The following MMP26 variants were observed in gnomAD, a reference collection of about 807,000 sequenced individuals.
MMP26 encodes the protein matrix metallopeptidase 26, also known as matrix metalloproteinase-26.
Under a neutral mutation model 31.0 loss-of-function variants are expected in MMP26, and 33 were observed. The ratio of observed to expected loss-of-function variants is 1.06; its 90% CI spans 0.81 to 1.42. The LOEUF is 1.42. Among genes scored for constraint, MMP26 ranks in the 40% most tolerant of loss-of-function variants. The probability of loss-of-function intolerance (pLI) is 0.00; values close to 1 mark genes in which losing one functional copy is unlikely to be tolerated. For missense variants in MMP26, 347 were observed against 316.1 expected (o/e 1.10, Z -0.74); for synonymous variants, 122 against 114.9 (o/e 1.06, Z -0.40).
intron 2 of MMP26, among the ~76,000 whole-genome samples, chr11:4,807,871 C>T (rs1009350134): frequency 2.6e-5 from 4 of 152,176 alleles, no homozygotes; most frequent in Admixed American, 6.5e-5. Flanking sequence ...ATGGTGTGAT[C>T]ACAGCTCACT....
chr11:4,932,248 C>T (rs1031277446), intron 2 of MMP26, among the ~76,000 whole-genome samples: 6 of 152,042 alleles, frequency 3.9e-5, no homozygotes, highest in African/African-American at 9.7e-5. Flanking sequence ...GTTGTATAAA[C>T]GGCAGCTCCA....
At chr11:4,789,435 AT>A (rs34206154) in intron 2 of MMP26, among the ~76,000 whole-genome samples, 14,261 of 142,246 alleles carry the variant, frequency 0.1, 839 homozygotes, top group Middle Eastern at 0.18. Context: ...CTATATTCCC[AT>A]TTTTTTTTGA....
chr11:4,772,380 A>G (rs1235597694), intron 2 of MMP26, among the ~76,000 whole-genome samples: 1 of 152,136 alleles, frequency 6.6e-6, no homozygotes. Flanking sequence ...CACTGGGATC[A>G]TTATGGTCAC....
intron 1 of MMP26, among the ~76,000 whole-genome samples, chr11:4,735,782 G>A (rs1337129596): frequency 7.1e-6 from 1 of 139,974 alleles, no homozygotes; most frequent in Non-Finnish European, 1.6e-5. Context: ...TAATCAAAAA[G>A]TAAAAAACAC....
chr11:4,918,611 G>A (rs528710680), intron 2 of MMP26, among the ~76,000 whole-genome samples: 1 of 152,248 alleles, frequency 6.6e-6, no homozygotes, highest in East Asian at 1.9e-4. Context: ...AATCCTCGCA[G>A]AACCCATTAG....
chr11:4,889,082 A>G (rs1480628793), intron 2 of MMP26, among the ~76,000 whole-genome samples: 1 of 152,148 alleles, frequency 6.6e-6, no homozygotes, highest in Non-Finnish European at 1.5e-5. Flanking sequence ...TCACATACAC[A>G]CTTATCAACA....
At chr11:4,895,093 C>A (rs762697602) in intron 2 of MMP26, among the ~76,000 whole-genome samples, 3 of 151,976 alleles carry the variant, frequency 2.0e-5, no homozygotes, top group Non-Finnish European at 2.9e-5. Context: ...AGTACAGTAC[C>A]TTATGTAGAA....
intron 2 of MMP26, among the ~76,000 whole-genome samples, chr11:4,941,077 T>C (rs958071726): frequency 2.0e-5 from 3 of 152,154 alleles, no homozygotes; most frequent in Non-Finnish European, 4.4e-5. Flanking sequence ...TTAATATACA[T>C]AGGATAAGCC....
intron 2 of MMP26, among the ~76,000 whole-genome samples, chr11:4,802,127 A>G (rs895444622): frequency 6.6e-6 from 1 of 152,218 alleles, no homozygotes; most frequent in African/African-American, 2.4e-5. Flanking sequence ...ATTGGTTCAG[A>G]ATATTTAAGT....
chr11:4,946,838 A>G lies in MMP26; in HGVS notation c.-144-41230A>G, dbSNP rs375865632. The G allele has an allele frequency of 3.1e-6, 5 of 1,588,668 alleles. No homozygotes were observed. In the Admixed American group the frequency reaches 5.1e-5, roughly 16 times the overall value. On this transcript the variant is annotated intron_variant, in intron 2 of 7. Transcript: ENST00000380390. ...GGATGAAATTTCAGGAGCATTGAACAGGAAGATGCTTAACACAGTGGGCAG... is the reference window on the plus strand; with the variant it reads ...GGATGAAATTTCAGGAGCATTGAACGGGAAGATGCTTAACACAGTGGGCAG...
chr11:4,789,816 C>A (rs940542116), intron 2 of MMP26, among the ~76,000 whole-genome samples: 1 of 151,594 alleles, frequency 6.6e-6, no homozygotes, highest in Non-Finnish European at 1.5e-5. Flanking sequence ...CTGGGAAGCA[C>A]TTCACAGGTG....
chr11:4,821,811 C>T (rs146281150), intron 2 of MMP26: 8 of 1,612,680 alleles, frequency 5.0e-6, no homozygotes, highest in African/African-American at 1.3e-5. Flanking sequence ...CCATCTGTTA[C>T]CCACTGAGAT....
At chr11:4,881,212 G>C (rs1161256843) in intron 2 of MMP26, among the ~76,000 whole-genome samples, 1 of 152,038 alleles carries the variant, frequency 6.6e-6, no homozygotes, top group Admixed American at 6.6e-5. Context: ...CATTCCACAG[G>C]AAAGATTTCC....
intron 2 of MMP26, among the ~76,000 whole-genome samples, chr11:4,890,883 T>C (rs1170748510): frequency 2.6e-5 from 4 of 151,550 alleles, no homozygotes; most frequent in African/African-American, 9.7e-5. Flanking sequence ...AAATTCCTCT[T>C]GTGTTATTAG....
rs144007932 is a variant in MMP26, at chr11:4,710,049, C to G, written c.-217+5004C>G. ...TAGGGGAACAACAGCTCTAGTGCCTCTACTCCTGCTCCTTAAGCGCCTCTC... is the reference window on the plus strand; with the variant it reads ...TAGGGGAACAACAGCTCTAGTGCCTGTACTCCTGCTCCTTAAGCGCCTCTC... On this transcript the variant is annotated intron_variant, in intron 1 of 7. Coordinates refer to ENST00000380390, the MANE Select transcript of MMP26 (RefSeq NM_021801.5). 754 of 456,776 alleles carry G rather than the reference C, an allele frequency of 1.7e-3. 1 individual carries two copies. The highest frequency in any genetic ancestry group is 2.4e-3 in the Non-Finnish European group (534 of 226,970). The allele number at this position is 456,776 out of a possible 1,614,324, so 28.3% of individuals were successfully genotyped here.
chr11:4,848,699 C>A, intron 2 of MMP26: 1 of 1,613,986 alleles, frequency 6.2e-7, no homozygotes, highest in Non-Finnish European at 8.5e-7. Context: ...TGTAGGCCAG[C>A]AGGAATGGCA....
At chr11:4,832,784 A>G (rs1047563807) in intron 2 of MMP26, 1 of 168,012 alleles carries the variant, frequency 6.0e-6, no homozygotes. Context: ...GCTATTTCCT[A>G]TATGTGTTCA....
chr11:4,738,375 A>C (rs1056439116), intron 1 of MMP26, among the ~76,000 whole-genome samples: 1 of 152,210 alleles, frequency 6.6e-6, no homozygotes, highest in Non-Finnish European at 1.5e-5. Context: ...CTTCTCATTC[A>C]TAATGTGGTT....
chr11:4,725,081 C>A (rs978857663), intron 1 of MMP26, among the ~76,000 whole-genome samples: 1 of 152,088 alleles, frequency 6.6e-6, no homozygotes, highest in African/African-American at 2.4e-5. Flanking sequence ...TGTATGGCAC[C>A]TCCCCCTTGC....
Sources: allele counts gnomAD v4.1 joint callset (sites outside exome capture counted in the v4.1 genomes callset), GRCh38; gene constraint gnomAD v4.1.1; transcripts MANE v1.5; gene names NCBI Gene and HGNC (gene_info 2026-07-23, HGNC 2026-07-21).